The following TCF7L1 variants were observed in gnomAD, a reference collection of about 807,000 sequenced individuals.
TCF7L1 encodes transcription factor 7-like 1.
In TCF7L1, 18 loss-of-function variants were observed where a neutral mutation model predicts 63.7. That is an observed-to-expected ratio of 0.28 (90% confidence interval 0.20 to 0.42). The LOEUF is 0.42. Among genes scored for constraint, TCF7L1 ranks in the 10% least tolerant of loss-of-function variants. The pLI is 1.00. For missense variants in TCF7L1, 654 were observed against 779.3 expected, an observed-to-expected ratio of 0.84 and a Z score of 1.91; for synonymous variants, 355 against 340.9, an observed-to-expected ratio of 1.04 and a Z score of -0.46.
At position 85,309,968 on chromosome 2, in the gene TCF7L1, GC is replaced by G. The variant is rs1251345504; in HGVS notation, c.*508del. 1 of 153,260 alleles carries G rather than the reference GC, an allele frequency of 6.5e-6. No individual in the cohort carries two copies. The highest frequency in any genetic ancestry group is 1.9e-4 in the East Asian group (1 of 5,210). The allele number at this position is 153,260 out of a possible 1,614,324, so 9.5% of individuals were successfully genotyped here. A position where few individuals can be genotyped will look rare whatever the true frequency, so the allele number is the denominator to read the frequency against. On this transcript the variant is annotated 3_prime_UTR_variant, in exon 12 of 12. Transcript: ENST00000282111. ...CATCACCATGTGAGAAGACATCTTGGCCTGATTTGCTGCCACCAGCGTCCCC... is the reference window on the plus strand; with the variant it reads ...CATCACCATGTGAGAAGACATCTTGGCTGATTTGCTGCCACCAGCGTCCCC...
intron 3 of TCF7L1, among the ~76,000 whole-genome samples, chr2:85,142,375 G>A (rs748925656): frequency 1.3e-5 from 2 of 149,872 alleles, no homozygotes; most frequent in East Asian, 3.9e-4. Context: ...CCATGATCAC[G>A]CCACTGCACT....
chr2:85,135,693 G>C (rs893573874), intron 3 of TCF7L1, among the ~76,000 whole-genome samples: 1 of 151,428 alleles, frequency 6.6e-6, no homozygotes, highest in Non-Finnish European at 1.5e-5. Context: ...GGTTGGAGGG[G>C]GATTGACGGG....
At chr2:85,206,013 A>G (rs765505694) in intron 3 of TCF7L1, among the ~76,000 whole-genome samples, 22 of 152,250 alleles carry the variant, frequency 1.4e-4, no homozygotes, top group Non-Finnish European at 2.5e-4. Flanking sequence ...TTGGCAGTCC[A>G]TTCTGTAATT....
chr2:85,272,320 T>C (rs1681168299), intron 3 of TCF7L1, among the ~76,000 whole-genome samples: 1 of 152,184 alleles, frequency 6.6e-6, no homozygotes, highest in Non-Finnish European at 1.5e-5. Context: ...ACTGTTGCTA[T>C]GATATAAGAC....
intron 3 of TCF7L1, among the ~76,000 whole-genome samples, chr2:85,180,775 C>T (rs142063851): frequency 6.6e-6 from 1 of 152,238 alleles, no homozygotes; most frequent in Non-Finnish European, 1.5e-5. Context: ...GTAGCAGCCC[C>T]AACACATAGG....
intron 4 of TCF7L1, among the ~76,000 whole-genome samples, chr2:85,292,804 C>A (rs541006269): frequency 2.0e-5 from 3 of 152,222 alleles, no homozygotes; most frequent in Admixed American, 1.3e-4. Context: ...TCTCAAACTC[C>A]TGGGCTCACC....
chr2:85,193,186 C>T (rs1028124784), intron 3 of TCF7L1, among the ~76,000 whole-genome samples: 1 of 152,116 alleles, frequency 6.6e-6, no homozygotes, highest in African/African-American at 2.4e-5. Flanking sequence ...CTTTTATTCT[C>T]GTGGGTGATG....
At chr2:85,235,151 C>G (rs999871106) in intron 3 of TCF7L1, among the ~76,000 whole-genome samples, 1 of 152,090 alleles carries the variant, frequency 6.6e-6, no homozygotes, top group Non-Finnish European at 1.5e-5. Context: ...ACCTCTGACC[C>G]ACTTGTTGCC....
intron 4 of TCF7L1, among the ~76,000 whole-genome samples, chr2:85,299,565 AATTTT>A (rs1681915292): frequency 1.3e-5 from 2 of 149,624 alleles, no homozygotes; most frequent in Admixed American, 1.3e-4. Context: ...AATAGAATAA[AATTTT>A]ATTTTGAGCC....
intron 3 of TCF7L1, among the ~76,000 whole-genome samples, chr2:85,164,387 G>A (rs1296470739): frequency 6.6e-6 from 1 of 152,206 alleles, no homozygotes; most frequent in African/African-American, 2.4e-5. Flanking sequence ...GCTGGGGTCA[G>A]GGGCAGTGTT....
chr2:85,210,045 C>T (rs180979526), intron 3 of TCF7L1, among the ~76,000 whole-genome samples: 341 of 152,272 alleles, frequency 2.2e-3, no homozygotes, highest in African/African-American at 7.6e-3. Context: ...AGAAGGGCCC[C>T]ACCTAGGCTG....
At chr2:85,208,131 C>T (rs1008157553) in intron 3 of TCF7L1, among the ~76,000 whole-genome samples, 2 of 152,180 alleles carry the variant, frequency 1.3e-5, no homozygotes, top group African/African-American at 2.4e-5. Flanking sequence ...TGGTCTCGAT[C>T]TCCTGACCTT....
chr2:85,177,922 G>A (rs777457226), intron 3 of TCF7L1, among the ~76,000 whole-genome samples: 5 of 152,048 alleles, frequency 3.3e-5, no homozygotes, highest in Non-Finnish European at 7.4e-5. Flanking sequence ...AGATGAAGAC[G>A]ACAGAACACA....
intron 3 of TCF7L1, among the ~76,000 whole-genome samples, chr2:85,250,490 G>T (rs905872191): frequency 1.1e-4 from 17 of 151,894 alleles, no homozygotes; most frequent in African/African-American, 3.6e-4. Flanking sequence ...AGGCTGGAGT[G>T]CAGTGGTGCT....
intron 3 of TCF7L1, among the ~76,000 whole-genome samples, chr2:85,214,235 G>T (rs1009132568): frequency 6.6e-6 from 1 of 152,168 alleles, no homozygotes; most frequent in African/African-American, 2.4e-5. Context: ...TGGCAAGAGG[G>T]GTAAACACAG....
At chr2:85,289,995 C>T (rs912800345) in intron 4 of TCF7L1, among the ~76,000 whole-genome samples, 3 of 126,854 alleles carry the variant, frequency 2.4e-5, no homozygotes, top group Admixed American at 8.2e-5. Context: ...TTTTTTTCTC[C>T]GAGACAGAGT....
At chr2:85,203,297 A>T (rs997334262) in intron 3 of TCF7L1, among the ~76,000 whole-genome samples, 3 of 152,248 alleles carry the variant, frequency 2.0e-5, no homozygotes, top group Admixed American at 2.0e-4. Context: ...TGGCTCTGTC[A>T]CAGGTGAGTT....
intron 3 of TCF7L1, among the ~76,000 whole-genome samples, chr2:85,155,128 C>T (rs1678113996): frequency 2.0e-5 from 3 of 152,136 alleles, no homozygotes; most frequent in Non-Finnish European, 4.4e-5. Flanking sequence ...CATTTTTTCT[C>T]CAAGTAGCAT....
chr2:85,286,228 G>T (rs750377735), intron 4 of TCF7L1, among the ~76,000 whole-genome samples: 1 of 150,820 alleles, frequency 6.6e-6, no homozygotes, highest in African/African-American at 2.4e-5. Context: ...GGTGGTACGC[G>T]CCTGTAATCC....
Sources: gnomAD v4.1 joint callset for allele counts (sites outside exome capture counted in the v4.1 genomes callset) on GRCh38, gnomAD v4.1.1 for gene constraint, MANE v1.5 for transcripts, NCBI Gene and HGNC (gene_info 2026-07-23, HGNC 2026-07-21) for gene names.